TRAPPC9: variants seen among roughly 807,000 people sequenced by gnomAD.
TRAPPC9 encodes trafficking protein particle complex subunit 9.
Under a neutral mutation model 124.0 loss-of-function variants are expected in TRAPPC9, and 83 were observed. The observed-to-expected ratio is 0.67, with a 90% CI of 0.56 to 0.80. TRAPPC9 has a LOEUF of 0.80. TRAPPC9 is among the 30% of genes least tolerant of loss of function. TRAPPC9 has a pLI of 0.00. For missense variants in TRAPPC9, 1,302 were observed against 1,508.3 expected, an observed-to-expected ratio of 0.86 and a Z score of 2.27; for synonymous variants, 638 against 617.5, an observed-to-expected ratio of 1.03 and a Z score of -0.49.
intron 20 of TRAPPC9, among the ~76,000 whole-genome samples, chr8:139,901,018 TAAAA>T (rs374122670): frequency 1.3e-5 from 2 of 151,142 alleles, no homozygotes; most frequent in African/African-American, 4.9e-5. Flanking sequence ...AATAAATAAA[TAAAA>T]ATAAAATAAA....
intron 17 of TRAPPC9, among the ~76,000 whole-genome samples, chr8:140,069,388 G>A (rs963356170): frequency 8.5e-5 from 13 of 152,116 alleles, no homozygotes; most frequent in African/African-American, 2.2e-4. Context: ...CTTAAACGGC[G>A]GGGGTGGAAT....
intron 7 of TRAPPC9, among the ~76,000 whole-genome samples, chr8:140,396,978 C>T (rs879857375): frequency 1.1e-4 from 16 of 149,894 alleles, no homozygotes; most frequent in Non-Finnish European, 1.9e-4. Context: ...TCCTAAGTAT[C>T]TGCTGAATTA....
At chr8:139,925,747 TAAA>T (rs745528003) in intron 19 of TRAPPC9, among the ~76,000 whole-genome samples, 6 of 124,934 alleles carry the variant, frequency 4.8e-5, no homozygotes, top group Admixed American at 1.7e-4. Context: ...GACTCCATCT[TAAA>T]AAAAAAAAAA....
intron 7 of TRAPPC9, among the ~76,000 whole-genome samples, chr8:140,395,529 A>ATAAACATT (rs2069065291): frequency 6.6e-6 from 1 of 152,228 alleles, no homozygotes; most frequent in Admixed American, 6.5e-5. Context: ...GACTATGGCT[A>ATAAACATT]TAAACATTAT....
intron 6 of TRAPPC9, among the ~76,000 whole-genome samples, chr8:140,404,365 A>C (rs1255196531): frequency 1.3e-5 from 2 of 152,202 alleles, no homozygotes. Context: ...GAGAATAATT[A>C]AGCAAATTAA....
chr8:140,334,372 C>T (rs369710603), intron 9 of TRAPPC9, among the ~76,000 whole-genome samples: 7 of 151,600 alleles, frequency 4.6e-5, no homozygotes, highest in African/African-American at 1.2e-4. Flanking sequence ...TTCCATGGCT[C>T]GGCAAGGTGG....
At chr8:140,356,034 AC>A (rs1192330702) in intron 9 of TRAPPC9, among the ~76,000 whole-genome samples, 1 of 152,080 alleles carries the variant, frequency 6.6e-6, no homozygotes, top group Non-Finnish European at 1.5e-5. Flanking sequence ...ATCAATGAGA[AC>A]CCTCGCTGTA....
In TRAPPC9 at chr8:140,241,786, C is replaced by A. The variant is rs2063861399; in HGVS notation, c.2431+10991G>T. 6.6e-6 allele frequency among the ~76,000 whole-genome samples: 1 copy of A among 152,224 alleles called. No homozygotes were observed. The highest frequency in any genetic ancestry group is 6.5e-5 in the Admixed American group (1 of 15,282). On this transcript the variant is annotated intron_variant, in intron 16 of 22. Coordinates refer to ENST00000438773, the MANE Select transcript of TRAPPC9 (RefSeq NM_001160372.4). The surrounding 1 kb of genome is among the most constrained non-coding windows in gnomAD (Gnocchi z 5.0). The stretch of plus-strand genomic sequence containing the variant: ...AGATCCTCACAGCCAGACAGCTCTC[C>A]CGTCTCTGAACTCAGGGTGTGGAAC...
At chr8:140,244,465 CAG>C (rs1456745009) in intron 16 of TRAPPC9, among the ~76,000 whole-genome samples, 3 of 152,076 alleles carry the variant, frequency 2.0e-5, no homozygotes, top group African/African-American at 7.2e-5. Context: ...AAAAAGTACA[CAG>C]AGAAAGAAAA....
intron 20 of TRAPPC9, among the ~76,000 whole-genome samples, chr8:139,895,130 C>A (rs1355542977): frequency 2.0e-5 from 3 of 152,160 alleles, no homozygotes; most frequent in African/African-American, 4.8e-5. Flanking sequence ...CAGGCTCTTT[C>A]CTGCAAAACG....
intron 16 of TRAPPC9, among the ~76,000 whole-genome samples, chr8:140,236,662 A>C (rs1419397704): frequency 6.6e-6 from 1 of 152,270 alleles, no homozygotes; most frequent in Non-Finnish European, 1.5e-5. Context: ...AAAAAATATC[A>C]GGGAATAAAT....
chr8:139,947,907 T>TATATATATATATATATATAGAGAGAGAG lies in TRAPPC9; in HGVS notation c.2811-37608_2811-37607insCTCTCTCTCTATATATATATATATATAT. 2.4e-3 allele frequency among the ~76,000 whole-genome samples: 142 copies of TATATATATATATATATATAGAGAGAGAG among 59,946 alleles called. 2 individuals carry two copies. The highest frequency in any genetic ancestry group is 0.016 in the Middle Eastern group (1 of 62). 39.3% of individuals were successfully genotyped at this position (59,946 alleles called of 152,430 possible). A position where few individuals can be genotyped will look rare whatever the true frequency, so the allele number is the denominator to read the frequency against. ...AGAAATATGTGTGTATATATATATA[T>TATATATATATATATATATAGAGAGAGAG]AGAGAGAGAGAGAGAGCGAGAGAGA... On this transcript the variant is annotated intron_variant, in intron 19 of 22. Coordinates refer to ENST00000438773, the MANE Select transcript of TRAPPC9 (RefSeq NM_001160372.4).
chr8:140,229,877 C>T (rs1554647373), intron 16 of TRAPPC9, among the ~76,000 whole-genome samples: 1 of 152,122 alleles, frequency 6.6e-6, no homozygotes, highest in Non-Finnish European at 1.5e-5. Context: ...TTTCAATGTA[C>T]CAAATATTCC....
intron 16 of TRAPPC9, among the ~76,000 whole-genome samples, chr8:140,232,298 T>C (rs1307782111): frequency 1.3e-5 from 2 of 152,006 alleles, no homozygotes; most frequent in Non-Finnish European, 2.9e-5. Context: ...AGTAATGAGT[T>C]CCTTGTCACT....
chr8:140,227,278 A>G (rs2063477404), intron 16 of TRAPPC9, among the ~76,000 whole-genome samples: 2 of 152,294 alleles, frequency 1.3e-5, no homozygotes, highest in South Asian at 4.2e-4. Flanking sequence ...ATTATGTTCA[A>G]TCATTTAGCC....
At chr8:140,263,417 T>C (rs68063604) in intron 15 of TRAPPC9, among the ~76,000 whole-genome samples, 37,512 of 152,032 alleles carry the variant, frequency 0.25, 5,064 homozygotes, top group African/African-American at 0.35. Flanking sequence ...AGGAAAAAGG[T>C]GGGCAGCCAG....
chr8:140,412,298 T>C (rs368119202), intron 5 of TRAPPC9, among the ~76,000 whole-genome samples: 13 of 152,250 alleles, frequency 8.5e-5, no homozygotes, highest in African/African-American at 3.1e-4. Context: ...ACAAAATAAA[T>C]GGCCTGCATT....
chr8:139,948,162 C>T (rs1834386834), intron 19 of TRAPPC9, among the ~76,000 whole-genome samples: 1 of 151,176 alleles, frequency 6.6e-6, no homozygotes, highest in South Asian at 2.1e-4. Flanking sequence ...CTACGTTGTA[C>T]CAGGCACTGT....
At chr8:140,369,537 G>A (rs555180792) in intron 8 of TRAPPC9, among the ~76,000 whole-genome samples, 5 of 152,310 alleles carry the variant, frequency 3.3e-5, no homozygotes, top group African/African-American at 9.6e-5. Context: ...TTAATTCAAC[G>A]TTGGGGAGAG....
Sources: gnomAD v4.1 joint callset for allele counts (sites outside exome capture counted in the v4.1 genomes callset) on GRCh38, gnomAD v4.1.1 for gene constraint, Gnocchi (gnomAD v3.1) non-coding constraint, MANE v1.5 for transcripts, NCBI Gene and HGNC (gene_info 2026-07-23, HGNC 2026-07-21) for gene names.